DST: variants seen among roughly 807,000 people sequenced by gnomAD.
The protein encoded by DST is dystonin.
Under a neutral mutation model 875.2 loss-of-function variants are expected in DST, and 253 were observed. The ratio of observed to expected loss-of-function variants is 0.29; its 90% CI spans 0.26 to 0.32. The LOEUF is 0.32. Ranked by LOEUF, DST falls within the 10% of genes least tolerant of loss-of-function variation. The pLI is 1.00. For missense variants in DST, 8,287 were observed against 9,111.6 expected (o/e 0.91, Z 3.68); for synonymous variants, 3,124 against 3,197.1 (o/e 0.98, Z 0.77).
intron 4 of DST, among the ~76,000 whole-genome samples, chr6:56,793,275 T>C (rs1304891584): frequency 6.6e-6 from 1 of 152,034 alleles, no homozygotes; most frequent in Non-Finnish European, 1.5e-5. Context: ...TATGATTATG[T>C]AAAGAGGATG....
At chr6:56,951,936 T>C (rs1277309512) in intron 2 of DST, among the ~76,000 whole-genome samples, 3 of 152,336 alleles carry the variant, frequency 2.0e-5, no homozygotes, top group South Asian at 4.1e-4. Flanking sequence ...GAGTTCTATT[T>C]GCCCAGTTTC....
At position 56,593,961 on chromosome 6, in the gene DST, T is replaced by C; in HGVS notation, c.12428A>G (p.Tyr4143Cys). Reference protein sequence around the residue: ...QEELEKFDADYTEFEHWLQQS... With the variant: ...QEELEKFDADCTEFEHWLQQS... Reference sequence around the variant, plus strand: ...CTGTAGCCAGTGCTCAAACTCGGTATAGTCAGCATCAAACTTTTCTAATTC... The same window carrying C: ...CTGTAGCCAGTGCTCAAACTCGGTACAGTCAGCATCAAACTTTTCTAATTC... Residue 4143 changes from tyrosine to cysteine, a missense_variant, in exon 48 of 104, where the codon TAT becomes TGT. Tyr to Cys is a radical substitution (Grantham distance 194). Transcript: ENST00000680361. 3.7e-6 allele frequency: 6 copies of C among 1,613,968 alleles called. No homozygotes were observed. The highest frequency in any genetic ancestry group is 5.1e-6 in the Non-Finnish European group (6 of 1,179,874).
At chr6:56,479,426 A>G (rs2095325684) in intron 90 of DST, among the ~76,000 whole-genome samples, 1 of 152,226 alleles carries the variant, frequency 6.6e-6, no homozygotes, top group Admixed American at 6.5e-5. Flanking sequence ...ACTACTCGGT[A>G]TCTACCCAAA....
chr6:56,843,715 AGGGT>A, intron 4 of DST: 3 of 123,934 alleles, frequency 2.4e-5, no homozygotes, highest in Non-Finnish European at 3.4e-5. Context: ...AGGAGGGTGG[AGGGT>A]GGAGGGTGGA....
chr6:56,736,152 A>G (rs989838650), intron 4 of DST, among the ~76,000 whole-genome samples: 7 of 152,140 alleles, frequency 4.6e-5, no homozygotes, highest in African/African-American at 1.7e-4. Context: ...GGCTTTCCAA[A>G]GTGCTGGGAT....
At chr6:56,529,942 T>G in intron 65 of DST, 32 bp downstream of exon 65, 1 of 1,608,934 alleles carries the variant, frequency 6.2e-7, no homozygotes, top group Non-Finnish European at 8.5e-7. Flanking sequence ...CAATAAAAAC[T>G]GAACCTCGCT....
chr6:56,788,128 C>CAAAAAAAAA (rs781369739), intron 4 of DST, among the ~76,000 whole-genome samples: 5 of 26,598 alleles, frequency 1.9e-4, no homozygotes, highest in African/African-American at 9.7e-4. Flanking sequence ...GACTCCGTCT[C>CAAAAAAAAA]AAAAAAAAAA....
In DST at chr6:56,572,354, G is replaced by A. The variant is rs1411192877; in HGVS notation, c.13555-88C>T. 9.6e-6 allele frequency: 8 copies of A among 836,358 alleles called. No homozygotes were observed. In the East Asian group the frequency reaches 2.4e-4, roughly 25 times the overall value. 51.8% of individuals were successfully genotyped at this position (836,358 alleles called of 1,614,324 possible). A position where few individuals can be genotyped will look rare whatever the true frequency, so the allele number is the denominator to read the frequency against. On this transcript the variant is annotated intron_variant, in intron 52 of 103. Coordinates refer to ENST00000680361, the MANE Select transcript of DST (RefSeq NM_001374736.1). Reference sequence around the variant, plus strand: ...CCAGAGGTCTGTGCGGGATCAGAATGGCTCTATTCATAATTTCACATAAGA... The same window carrying A: ...CCAGAGGTCTGTGCGGGATCAGAATAGCTCTATTCATAATTTCACATAAGA...
At chr6:56,507,866 G>C (rs552161021) in intron 75 of DST, among the ~76,000 whole-genome samples, 2 of 152,252 alleles carry the variant, frequency 1.3e-5, no homozygotes, top group South Asian at 4.1e-4. Context: ...AACACAGTAA[G>C]AGCAGATCTA....
chr6:56,934,576 ATATATATATATATC>A (rs1812002841), intron 2 of DST, among the ~76,000 whole-genome samples: 1 of 138,876 alleles, frequency 7.2e-6, no homozygotes, highest in African/African-American at 2.6e-5. Context: ...ATATATATAT[ATATATATATATATC>A]GTGAGAGAGA....
chr6:56,539,247 A>C (rs867908513), intron 61 of DST, among the ~76,000 whole-genome samples: 2 of 152,206 alleles, frequency 1.3e-5, no homozygotes, highest in South Asian at 2.1e-4. Context: ...AAGTGCCCCC[A>C]AAAATATACT....
At chr6:56,708,543 T>C (rs1342675976) in intron 5 of DST, among the ~76,000 whole-genome samples, 1 of 151,860 alleles carries the variant, frequency 6.6e-6, no homozygotes, top group Admixed American at 6.6e-5. Context: ...TCCTACAAAA[T>C]ATAAGATATC....
At position 56,493,912 on chromosome 6, in the gene DST, A is replaced by G. The variant is rs979807607; in HGVS notation, c.20394+98T>C. On this transcript the variant is annotated intron_variant, in intron 83 of 103. Coordinates refer to ENST00000680361, the MANE Select transcript of DST (RefSeq NM_001374736.1). The stretch of plus-strand genomic sequence containing the variant: ...AAAAATGTTTAAACATAAATCATTG[A>G]AAGTTCTACTCCTGATAGCTCTACT... 5.0e-5 allele frequency: 47 copies of G among 938,746 alleles called. No individual in the cohort carries two copies. In the African/African-American group the frequency reaches 6.2e-4, roughly 12 times the overall value. The allele number at this position is 938,746 out of a possible 1,614,324, so 58.2% of individuals were successfully genotyped here. A position where few individuals can be genotyped will look rare whatever the true frequency, so the allele number is the denominator to read the frequency against.
chr6:56,719,250 G>A (rs973467877), intron 5 of DST, among the ~76,000 whole-genome samples: 6 of 152,132 alleles, frequency 3.9e-5, no homozygotes, highest in African/African-American at 1.2e-4. Flanking sequence ...TACTCTTAAA[G>A]GGATGTGTAA....
At chr6:56,822,823 TTTTA>T (rs947546795) in intron 4 of DST, among the ~76,000 whole-genome samples, 5 of 151,588 alleles carry the variant, frequency 3.3e-5, no homozygotes, top group African/African-American at 7.3e-5. Context: ...TTTTATTTTA[TTTTA>T]TTTATTTATT....
intron 55 of DST, among the ~76,000 whole-genome samples, chr6:56,565,089 G>A (rs372402479): frequency 1.3e-5 from 2 of 151,812 alleles, no homozygotes; most frequent in African/African-American, 2.4e-5. Flanking sequence ...AATGAGTTAG[G>A]GAGGAGTCCC....
At chr6:56,598,121 T>C in intron 46 of DST, 115 bp from the exon 47 acceptor site, 1 of 1,014,642 alleles carries the variant, frequency 9.9e-7, no homozygotes. Context: ...TACTAAAAAC[T>C]GACACAATTG....
chr6:56,711,117 G>A (rs2099361656), intron 5 of DST, among the ~76,000 whole-genome samples: 1 of 151,980 alleles, frequency 6.6e-6, no homozygotes, highest in African/African-American at 2.4e-5. Context: ...TAGCTTTTGG[G>A]TAGACAATCT....
At position 56,770,085 on chromosome 6, in the gene DST, T is replaced by C. The variant is rs75100572; in HGVS notation, c.626-34796A>G. Among the ~76,000 whole-genome samples the C allele has an allele frequency of 1.0e-3, 157 of 152,358 alleles. 2 individuals carry two copies. The East Asian group carries it at 0.026, about 25-fold the overall frequency. On this transcript the variant is annotated intron_variant, in intron 4 of 103. Coordinates refer to ENST00000680361, the MANE Select transcript of DST (RefSeq NM_001374736.1). ...ACTATATGTTCTCATTGCATATGAA[T>C]CTGCCCTTCAGAGCATCCATTCTGG...
Sources: allele counts gnomAD v4.1 joint callset (sites outside exome capture counted in the v4.1 genomes callset), GRCh38; gene constraint gnomAD v4.1.1; transcripts MANE v1.5; gene names NCBI Gene and HGNC (gene_info 2026-07-23, HGNC 2026-07-21).